Variants in ANK3 observed in about 807,000 individuals in gnomAD.
The protein encoded by ANK3 is ankyrin 3, also known as ankyrin-3.
A neutral mutation model predicts 370.9 loss-of-function variants in ANK3; 57 were observed. That is an observed-to-expected ratio of 0.15 (90% CI 0.12 to 0.19). The LOEUF is 0.19. Ranked by LOEUF, ANK3 falls within the 10% of genes least tolerant of loss-of-function variation. The pLI is 1.00. For synonymous variants in ANK3, 1,929 were observed against 1,946.3 expected, an observed-to-expected ratio of 0.99 and a Z score of 0.23; for missense variants, 4,439 against 5,302.1, an observed-to-expected ratio of 0.84 and a Z score of 5.06.
At chr10:60,132,685 T>C (rs1036324218) in intron 25 of ANK3, among the ~76,000 whole-genome samples, 1 of 152,064 alleles carries the variant, frequency 6.6e-6, no homozygotes, top group African/African-American at 2.4e-5. Flanking sequence ...GGTGCAATCT[T>C]GGCTCACTGC....
chr10:60,239,936 AAG>A, intron 7 of ANK3, among the ~76,000 whole-genome samples: 1 of 151,554 alleles, frequency 6.6e-6, no homozygotes, highest in African/African-American at 2.4e-5. Flanking sequence ...TATGAAAAAT[AAG>A]ATAAATTTTT....
intron 40 of ANK3, chr10:60,060,756 A>G (rs4562766): frequency 0.96 from 146,444 of 152,236 alleles, 70,600 homozygotes; most frequent in Non-Finnish European, 0.99. Flanking sequence ...TGGTGAAGTC[A>G]GTGGTAGGGT....
chr10:60,452,590 C>T (rs1200403725), intron 2 of ANK3, among the ~76,000 whole-genome samples: 1 of 152,188 alleles, frequency 6.6e-6, no homozygotes, highest in Non-Finnish European at 1.5e-5. Context: ...GTAAGGAATG[C>T]CAACTGCAGT....
At chr10:60,239,726 G>A (rs557760414) in intron 7 of ANK3, among the ~76,000 whole-genome samples, 19 of 151,942 alleles carry the variant, frequency 1.3e-4, no homozygotes, top group African/African-American at 4.3e-4. Flanking sequence ...AAGAGATAAC[G>A]GATGGTCCAA....
In ANK3 at chr10:60,038,695, G is replaced by A. The variant is rs566468409; in HGVS notation, c.*19+3977C>T. ...TACAGGGCTCTGAATGATGGTGTGT[G>A]TGTGTGTGTTTTAATGTTATCTTGT... On this transcript the variant is annotated intron_variant, in intron 43 of 43. Coordinates refer to ENST00000280772, the MANE Select transcript of ANK3 (RefSeq NM_020987.5). Among the ~76,000 whole-genome samples the A allele has an allele frequency of 2.0e-5, 3 of 152,226 alleles. 1 individual carries two copies. The South Asian group carries it at 6.2e-4, about 32-fold the overall frequency.
intron 43 of ANK3, among the ~76,000 whole-genome samples, chr10:60,031,034 C>T (rs1249516360): frequency 1.3e-5 from 2 of 152,068 alleles, no homozygotes; most frequent in Non-Finnish European, 2.9e-5. Context: ...TTGGGACTTC[C>T]ATGAGCAGAA....
intron 2 of ANK3, among the ~76,000 whole-genome samples, chr10:60,607,895 C>T (rs1270983736): frequency 6.6e-6 from 1 of 152,158 alleles, no homozygotes; most frequent in Non-Finnish European, 1.5e-5. Flanking sequence ...GAGAAACCTA[C>T]CTAATGTCGT....
chr10:60,135,993 A>G (rs1590632187), intron 24 of ANK3, among the ~76,000 whole-genome samples: 2 of 151,674 alleles, frequency 1.3e-5, no homozygotes, highest in South Asian at 2.1e-4. Context: ...CATTATAAGC[A>G]TAATTCCTGC....
At chr10:60,261,590 T>C (rs1303920103) in intron 7 of ANK3, among the ~76,000 whole-genome samples, 2 of 152,182 alleles carry the variant, frequency 1.3e-5, no homozygotes, top group African/African-American at 2.4e-5. Context: ...CAGCCACGAT[T>C]CCTTGAATCA....
intron 2 of ANK3, among the ~76,000 whole-genome samples, chr10:60,447,098 C>A (rs1367244666): frequency 6.6e-6 from 1 of 152,144 alleles, no homozygotes; most frequent in East Asian, 1.9e-4. Flanking sequence ...ACTGCTCTGC[C>A]AAATGCCACA....
chr10:60,616,982 T>A (rs2078276222), intron 1 of ANK3, among the ~76,000 whole-genome samples: 1 of 152,192 alleles, frequency 6.6e-6, no homozygotes, highest in Non-Finnish European at 1.5e-5. Flanking sequence ...TTCCCCTTTA[T>A]GCCTTTGACT....
At chr10:60,613,054 T>C (rs1433559778) in intron 2 of ANK3, among the ~76,000 whole-genome samples, 1 of 152,210 alleles carries the variant, frequency 6.6e-6, no homozygotes, top group African/African-American at 2.4e-5. Flanking sequence ...TGTTTCATTC[T>C]TGTAGAAGGT....
At chr10:60,426,254 C>T (rs546782561) in intron 2 of ANK3, among the ~76,000 whole-genome samples, 82 of 152,008 alleles carry the variant, frequency 5.4e-4, no homozygotes, top group South Asian at 1.0e-3. Context: ...TCATCATAAG[C>T]TGATTGCTCC....
At position 60,082,170 on chromosome 10, in the gene ANK3, C is replaced by A; in HGVS notation, c.4330G>T (p.Glu1444Ter). ...ITLPAHKKET[E>*]SDQDDEIEKT... ...ATTACCTCATCATCTTGATCTGACT[C>A]TGTCTCCTTTTGGTTCCAAGATGCA... is the stretch of plus-strand genomic sequence containing the variant. The change falls in exon 35 of 44, where the codon GAG (glutamate) becomes TAG (stop). Residue 1444 changes from glutamate to a stop codon, truncating the protein, a stop_gained. Coordinates refer to ENST00000280772, the MANE Select transcript of ANK3 (RefSeq NM_020987.5). LOFTEE classifies it high-confidence loss of function. 1 of 1,610,450 alleles carries A rather than the reference C, an allele frequency of 6.2e-7. No homozygotes were observed. The highest frequency in any genetic ancestry group is 8.5e-7 in the Non-Finnish European group (1 of 1,178,060).
intron 23 of ANK3, among the ~76,000 whole-genome samples, chr10:60,150,902 A>G (rs1053867513): frequency 6.6e-6 from 1 of 152,184 alleles, no homozygotes; most frequent in African/African-American, 2.4e-5. Context: ...CGCAAAACAG[A>G]CTAACACAGA....
At chr10:60,181,494 G>T in intron 17 of ANK3, 67 bp from the exon 18 acceptor site, 2 of 1,414,674 alleles carry the variant, frequency 1.4e-6, no homozygotes, top group Non-Finnish European at 2.0e-6. Flanking sequence ...CCATGTTTGA[G>T]AAACCATTTG....
At chr10:60,640,202 G>C (rs10994447) in intron 1 of ANK3, among the ~76,000 whole-genome samples, 101,784 of 150,070 alleles carry the variant, frequency 0.68, 34,681 homozygotes, top group South Asian at 0.82. Context: ...TGAATTCTAC[G>C]AGAGGTACAA....
intron 8 of ANK3, among the ~76,000 whole-genome samples, chr10:60,232,667 A>G (rs2097263697): frequency 6.6e-6 from 1 of 152,138 alleles, no homozygotes; most frequent in Non-Finnish European, 1.5e-5. Context: ...CATGGTTTCC[A>G]GGTTCAATGG....
Position 60,307,626 on chromosome 10 carries a change from T to C in ANK3, c.115-27987A>G, listed in dbSNP as rs546317701. On this transcript the variant is annotated intron_variant, in intron 1 of 43. Transcript: ENST00000280772. ...AAGTGCTGGGATTATAGACACAAGCTTCTATGCTTGGCCTATGATGTACTT... is the reference window on the plus strand; with the variant it reads ...AAGTGCTGGGATTATAGACACAAGCCTCTATGCTTGGCCTATGATGTACTT... Among the ~76,000 whole-genome samples, 765 of 152,182 alleles carry C rather than the reference T, an allele frequency of 5.0e-3. 6 individuals carry two copies. The highest frequency in any genetic ancestry group is 0.014 in the Middle Eastern group (4 of 294).
Sources: gnomAD v4.1 joint callset for allele counts (sites outside exome capture counted in the v4.1 genomes callset) on GRCh38, gnomAD v4.1.1 for gene constraint, MANE v1.5 for transcripts, NCBI Gene and HGNC (gene_info 2026-07-23, HGNC 2026-07-21) for gene names.